Variants in TYW1B observed in about 807,000 individuals in gnomAD.
TYW1B encodes the protein S-adenosyl-L-methionine-dependent tRNA 4-demethylwyosine synthase TYW1B.
A neutral mutation model predicts 86.9 loss-of-function variants in TYW1B; 73 were observed. The observed-to-expected ratio is 0.84, with a 90% CI of 0.70 to 1.02. The LOEUF is 1.02. Ranked by LOEUF, TYW1B falls within the 50% of genes least tolerant of loss-of-function variation. The pLI, the probability that TYW1B is intolerant of heterozygous loss-of-function variation, is 0.00. For missense variants in TYW1B, 637 were observed against 827.4 expected (o/e 0.77, Z 2.82); for synonymous variants, 248 against 292.8 (o/e 0.85, Z 1.56).
chr7:72,720,843 C>T (rs180971541), intron 9 of TYW1B, among the ~76,000 whole-genome samples: 39 of 152,200 alleles, frequency 2.6e-4, no homozygotes, highest in African/African-American at 7.0e-4. Context: ...TGGCGTGCTG[C>T]ACCCGTTAAC....
At chr7:72,762,530 C>T (rs1406917502) in intron 7 of TYW1B, among the ~76,000 whole-genome samples, 2 of 152,234 alleles carry the variant, frequency 1.3e-5, no homozygotes, top group East Asian at 3.9e-4. Context: ...GCAATGTTTT[C>T]CTTCAGTATA....
At chr7:72,707,837 T>G (rs1394303732) in intron 10 of TYW1B, among the ~76,000 whole-genome samples, 2 of 152,184 alleles carry the variant, frequency 1.3e-5, no homozygotes, top group Non-Finnish European at 2.9e-5. Flanking sequence ...AGGGGCCTGG[T>G]GGGAGATGGC....
At chr7:72,577,728 A>ACTGTGC (rs1811056262) in intron 13 of TYW1B, among the ~76,000 whole-genome samples, 1 of 152,006 alleles carries the variant, frequency 6.6e-6, no homozygotes, top group South Asian at 2.1e-4. Flanking sequence ...ACGGCCTGAG[A>ACTGTGC]CTGTGCCGAC....
chr7:72,814,193 G>A (rs375302748), intron 3 of TYW1B, among the ~76,000 whole-genome samples: 4 of 151,874 alleles, frequency 2.6e-5, no homozygotes, highest in Non-Finnish European at 5.9e-5. Flanking sequence ...TTCGAAATAC[G>A]GGGGAAGGCT....
At chr7:72,762,942 G>A (rs1448604708) in intron 7 of TYW1B, among the ~76,000 whole-genome samples, 1 of 151,992 alleles carries the variant, frequency 6.6e-6, no homozygotes, top group Non-Finnish European at 1.5e-5. Flanking sequence ...TTACAGGCGT[G>A]AGCCACCACA....
intron 11 of TYW1B, among the ~76,000 whole-genome samples, chr7:72,654,481 C>A (rs1453883644): frequency 6.6e-6 from 1 of 152,174 alleles, no homozygotes; most frequent in East Asian, 1.9e-4. Context: ...GAAGTAAGTC[C>A]ATTAAATGTA....
chr7:72,758,451 C>A (rs897156887), intron 7 of TYW1B, among the ~76,000 whole-genome samples: 5 of 149,832 alleles, frequency 3.3e-5, no homozygotes, highest in Admixed American at 6.7e-5. Flanking sequence ...TTAGAAAAAA[C>A]ATTTTTTTCT....
At chr7:72,671,396 T>G (rs1315091919) in intron 11 of TYW1B, among the ~76,000 whole-genome samples, 2 of 152,228 alleles carry the variant, frequency 1.3e-5, no homozygotes, top group Admixed American at 1.3e-4. Flanking sequence ...ATGGATAGTT[T>G]GCTTCTAATC....
intron 11 of TYW1B, among the ~76,000 whole-genome samples, chr7:72,656,563 G>A (rs782282385): frequency 2.0e-4 from 31 of 151,710 alleles, no homozygotes; most frequent in Non-Finnish European, 3.4e-4. Context: ...AGCTGAGATC[G>A]AGATCGCGCC....
chr7:72,809,007 A>G (rs1330818101), intron 4 of TYW1B, among the ~76,000 whole-genome samples: 1 of 151,154 alleles, frequency 6.6e-6, no homozygotes, highest in African/African-American at 2.4e-5. Flanking sequence ...GAGCCAAGTT[A>G]ATTTTTTCCT....
intron 7 of TYW1B, among the ~76,000 whole-genome samples, chr7:72,760,914 T>C (rs930657499): frequency 6.6e-6 from 1 of 152,144 alleles, no homozygotes; most frequent in Non-Finnish European, 1.5e-5. Flanking sequence ...TCACTGTTGG[T>C]TGAAAAAATA....
chr7:72,748,534 A>G (rs1201837307), intron 7 of TYW1B, among the ~76,000 whole-genome samples: 44 of 147,780 alleles, frequency 3.0e-4, no homozygotes, highest in African/African-American at 9.8e-4. Flanking sequence ...CTTGTTCCCA[A>G]TCTAATGGGA....
intron 11 of TYW1B, among the ~76,000 whole-genome samples, chr7:72,641,114 G>A (rs1264908718): frequency 6.6e-6 from 1 of 151,974 alleles, no homozygotes; most frequent in African/African-American, 2.4e-5. Context: ...GGAATTATAA[G>A]AAAATACTAT....
intron 9 of TYW1B, among the ~76,000 whole-genome samples, chr7:72,723,742 C>T (rs1786947524): frequency 6.6e-6 from 1 of 152,148 alleles, no homozygotes; most frequent in African/African-American, 2.4e-5. Flanking sequence ...CCATTGCATT[C>T]CAGCCTGGGC....
chr7:72,760,999 T>C (rs1345257423), intron 7 of TYW1B, among the ~76,000 whole-genome samples: 6 of 152,210 alleles, frequency 3.9e-5, no homozygotes, highest in Non-Finnish European at 2.9e-5. Flanking sequence ...GAGAAATAAC[T>C]TGAAATGACA....
chr7:72,602,187 G>A (rs1473447921), intron 13 of TYW1B, among the ~76,000 whole-genome samples: 3 of 152,158 alleles, frequency 2.0e-5, no homozygotes, highest in African/African-American at 4.8e-5. Flanking sequence ...TTTTGGAAAC[G>A]GGTGGAGTCT....
intron 2 of TYW1B, among the ~76,000 whole-genome samples, chr7:72,826,001 C>T (rs1490479074): frequency 1.3e-5 from 2 of 152,206 alleles, no homozygotes; most frequent in Non-Finnish European, 2.9e-5. Context: ...ATTCAGTTCA[C>T]TGCTAAAGGA....
chr7:72,826,945 T>C lies in TYW1B; in HGVS notation c.45A>G (p.Ile15Met), dbSNP rs536185667. 20 of 1,613,744 alleles carry C rather than the reference T, an allele frequency of 1.2e-5. 1 individual carries two copies. The South Asian group carries it at 2.1e-4, about 17-fold the overall frequency. ...ADTWDLSSPLISLWINRFYIY... is the reference protein window; with the variant it reads ...ADTWDLSSPLMSLWINRFYIY... ...TGTAAAACCTGTTTATCCATAATGA[T>C]ATTAAAGGTGAGGAGAGGTCCCATG... The change falls in exon 2 of 14, where the codon ATA (isoleucine) becomes ATG (methionine). Residue 15 changes from isoleucine (I) to methionine (M), a missense_variant. Physicochemically the swap from Ile to Met is conservative, Grantham distance 10 (BLOSUM62 1). Transcript: ENST00000620995.
At chr7:72,739,672 T>C (rs1198715909) in intron 8 of TYW1B, among the ~76,000 whole-genome samples, 1 of 147,488 alleles carries the variant, frequency 6.8e-6, no homozygotes, top group African/African-American at 2.5e-5. Flanking sequence ...AACAACTTGC[T>C]GTTAAGAAAA....
Sources: gnomAD v4.1 joint callset for allele counts (sites outside exome capture counted in the v4.1 genomes callset) on GRCh38, gnomAD v4.1.1 for gene constraint, MANE v1.5 for transcripts, NCBI Gene and HGNC (gene_info 2026-07-23, HGNC 2026-07-21) for gene names.